The following DST variants were observed in gnomAD, a reference collection of about 807,000 sequenced individuals.
DST encodes dystonin.
DST carries 253 observed loss-of-function variants against 875.2 expected under a neutral mutation model. The observed-to-expected ratio is 0.29, with a 90% confidence interval of 0.26 to 0.32. The LOEUF is 0.32. DST is among the 10% of genes least tolerant of loss of function. The probability of loss-of-function intolerance (pLI) is 1.00; values close to 1 mark genes in which losing one functional copy is unlikely to be tolerated. For missense variants in DST, 8,287 were observed against 9,111.6 expected, an observed-to-expected ratio of 0.91 and a Z score of 3.68; for synonymous variants, 3,124 against 3,197.1, an observed-to-expected ratio of 0.98 and a Z score of 0.77.
rs895030032 is a variant in DST at position 56,807,199 on chromosome 6, T to G, written c.625+44198A>C. On this transcript the variant is annotated intron_variant, in intron 4 of 103. Coordinates refer to ENST00000680361, the MANE Select transcript of DST (RefSeq NM_001374736.1). ...CCAAGTAGCCTGGACTAGAGGTGTG[T>G]GTTTTTTGTAGAGACAGGGTTTTGC... Among the ~76,000 whole-genome samples the G allele has an allele frequency of 2.6e-5, 4 of 152,064 alleles. 1 individual carries two copies. In the South Asian group the frequency reaches 8.3e-4, roughly 32 times the overall value.
chr6:56,520,705 A>G (rs1478454891), intron 69 of DST, among the ~76,000 whole-genome samples: 1 of 150,020 alleles, frequency 6.7e-6, no homozygotes, highest in African/African-American at 2.5e-5. Flanking sequence ...TGTCCATAAA[A>G]ATTAAAAATT....
At chr6:56,712,375 C>T (rs1414415295) in intron 5 of DST, among the ~76,000 whole-genome samples, 1 of 152,146 alleles carries the variant, frequency 6.6e-6, no homozygotes, top group African/African-American at 2.4e-5. Flanking sequence ...ACTCCTCCTA[C>T]TTTCTCATAA....
At chr6:56,798,379 C>T (rs991800055) in intron 4 of DST, among the ~76,000 whole-genome samples, 14 of 146,794 alleles carry the variant, frequency 9.5e-5, no homozygotes, top group Non-Finnish European at 1.5e-4. Flanking sequence ...TTAAGAATTA[C>T]GCAAAACTAC....
intron 13 of DST, among the ~76,000 whole-genome samples, chr6:56,647,019 A>G (rs1292599081): frequency 6.6e-6 from 1 of 152,144 alleles, no homozygotes; most frequent in Non-Finnish European, 1.5e-5. Flanking sequence ...TTTCTTTCCT[A>G]ATCTATGTCT....
chr6:56,910,698 T>A (rs1798479611), intron 2 of DST, among the ~76,000 whole-genome samples: 1 of 151,506 alleles, frequency 6.6e-6, no homozygotes, highest in African/African-American at 2.4e-5. Context: ...TTGGCCAGGC[T>A]AGTCTCGAAC....
chr6:56,606,317 CTTCCT>C lies in DST; in HGVS notation c.8306_8310del (p.Lys2769ArgfsTer13), dbSNP rs1563136905. On this transcript the variant is annotated frameshift_variant, in exon 40 of 104. Transcript: ENST00000680361. LOFTEE classifies it high-confidence loss of function. ...TGAAATTCCTGTCCAGTTACATACT[CTTCCT>C]TTCTTCCTCTCCAACTGCCACTGTC... The C allele has an allele frequency of 6.2e-7, 1 of 1,609,120 alleles. No individual in the cohort carries two copies. The highest frequency in any genetic ancestry group is 8.5e-7 in the Non-Finnish European group (1 of 1,177,392).
At chr6:56,668,741 C>T (rs960281520) in intron 10 of DST, among the ~76,000 whole-genome samples, 8 of 151,550 alleles carry the variant, frequency 5.3e-5, no homozygotes, top group South Asian at 4.2e-4. Flanking sequence ...GCACTCTAGC[C>T]GGGGCAACAA....
intron 5 of DST, among the ~76,000 whole-genome samples, chr6:56,724,501 T>G (rs2099438244): frequency 6.6e-6 from 1 of 152,228 alleles, no homozygotes; most frequent in Non-Finnish European, 1.5e-5. Context: ...AGTGCTAGAA[T>G]CTGCTCAGGC....
In DST at chr6:56,463,647, G is replaced by T. The variant is rs745750653; in HGVS notation, c.22877C>A (p.Ala7626Asp). 1.2e-6 allele frequency: 2 copies of T among 1,613,956 alleles called. No homozygotes were observed. Among genetic ancestry groups the T allele is most frequent in the Admixed American group, 3.3e-5 (2 of 60,026 alleles). Reference sequence around the variant, plus strand: ...CACAGAAGTGGATCTGTTGGGTGAAGCGCCTCGTGATGATGGCCGGGATCT... The same window carrying T: ...CACAGAAGTGGATCTGTTGGGTGAATCGCCTCGTGATGATGGCCGGGATCT... ...GRRSRPSSRG[A>D]SPNRSTSVSS... The change falls in exon 101 of 104, where the codon GCT becomes GAT. Residue 7626 changes from alanine (A) to aspartate (D), a missense_variant. By Grantham distance (126) the Ala-to-Asp change is moderately radical. Coordinates refer to ENST00000680361, the MANE Select transcript of DST (RefSeq NM_001374736.1).
Position 56,704,306 on chromosome 6 carries a change from A to C in DST, c.751T>G (p.Leu251Val), listed in dbSNP as rs16888128. ...AAGGTATCTCCTGAAAGAACCTCTA[A>C]AAGAGAAATCAAATTGTGTCCATCC... ...LRDGHNLISL[L>V]EVLSGDTLPR... is the part of the protein sequence containing the mutation. The change falls in exon 6 of 104, where the codon TTA becomes GTA. Residue 251 changes from leucine (L) to valine (V), a missense_variant. This residue lies in a region of DST where 1,160 missense variants were observed against 1,424.3 expected (regional missense o/e 0.81). Coordinates refer to ENST00000680361, the MANE Select transcript of DST (RefSeq NM_001374736.1). 6.4e-7 allele frequency: 1 copy of C among 1,559,542 alleles called. No individual in the cohort carries two copies. The highest frequency in any genetic ancestry group is 8.7e-7 in the Non-Finnish European group (1 of 1,146,560).
intron 3 of DST, among the ~76,000 whole-genome samples, chr6:56,885,627 A>G (rs1199778577): frequency 2.0e-5 from 3 of 152,122 alleles, no homozygotes; most frequent in Non-Finnish European, 4.4e-5. Flanking sequence ...GGTTAATGCC[A>G]CTACAAAAAA....
At chr6:56,947,847 ACAGT>A (rs1820425195) in intron 2 of DST, among the ~76,000 whole-genome samples, 2 of 151,862 alleles carry the variant, frequency 1.3e-5, no homozygotes, top group African/African-American at 4.8e-5. Flanking sequence ...CTACTCAGGT[ACAGT>A]GGACCCCACT....
Position 56,645,881 on chromosome 6 carries a change from C to G in DST, c.1763G>C (p.Arg588Pro), listed in dbSNP as rs566628404. The stretch of plus-strand genomic sequence containing the variant: ...TCTGGCCTACCTTTCTACTTCTGGA[C>G]GAAGGGCCTTCTCTCTCTCTAGCAT... ...IAMLEREKAL[R>P]PEVERLEMLQ... Residue 588 changes from arginine (R) to proline (P), a missense_variant, in exon 15 of 104, where the codon CGT becomes CCT. By Grantham distance (103) the Arg-to-Pro change is moderately radical. This residue lies in a region of DST where 1,160 missense variants were observed against 1,424.3 expected (regional missense o/e 0.81). Transcript: ENST00000680361. 1 of 1,613,712 alleles carries G rather than the reference C, an allele frequency of 6.2e-7. No homozygotes were observed. The highest frequency in any genetic ancestry group is 8.5e-7 in the Non-Finnish European group (1 of 1,179,748).
At chr6:56,837,728 T>C (rs1000317855) in intron 4 of DST, among the ~76,000 whole-genome samples, 2 of 152,140 alleles carry the variant, frequency 1.3e-5, no homozygotes, top group African/African-American at 4.8e-5. Flanking sequence ...GTCAATGAAA[T>C]GGAACAGTCA....
chr6:56,518,560 C>A (rs1049244730), intron 69 of DST, among the ~76,000 whole-genome samples: 1 of 152,106 alleles, frequency 6.6e-6, no homozygotes, highest in Admixed American at 6.6e-5. Context: ...TACAAACAAC[C>A]CTATAATGAA....
chr6:56,483,623 C>A (rs1283148728), intron 88 of DST: 1 of 129,910 alleles, frequency 7.7e-6, no homozygotes, highest in Non-Finnish European at 1.5e-5. Flanking sequence ...ACAGACTGAT[C>A]TAAGAAGTGA....
At chr6:56,812,646 C>T (rs2099761787) in intron 4 of DST, among the ~76,000 whole-genome samples, 1 of 152,152 alleles carries the variant, frequency 6.6e-6, no homozygotes, top group South Asian at 2.1e-4. Context: ...TCAAATTCTG[C>T]CATAAAACAC....
chr6:56,564,126 G>A (rs1387202894), intron 55 of DST, among the ~76,000 whole-genome samples: 3 of 152,168 alleles, frequency 2.0e-5, no homozygotes, highest in Admixed American at 1.3e-4. Flanking sequence ...GTCAATGGTA[G>A]CTTGATGGCG....
At chr6:56,470,832 C>T (rs1407193920) in intron 95 of DST, among the ~76,000 whole-genome samples, 1 of 143,248 alleles carries the variant, frequency 7.0e-6, no homozygotes, top group African/African-American at 2.6e-5. Flanking sequence ...ACAGAAAACA[C>T]CTTAAGAATC....
Sources: gnomAD v4.1 joint callset for allele counts (sites outside exome capture counted in the v4.1 genomes callset) on GRCh38, gnomAD v4.1.1 for gene constraint, gnomAD v4.1.1 regional missense constraint, MANE v1.5 for transcripts, NCBI Gene and HGNC (gene_info 2026-07-23, HGNC 2026-07-21) for gene names.